IRAG2: variants seen among roughly 807,000 people sequenced by gnomAD.
The protein encoded by IRAG2 is lymphoid restricted membrane protein.
In IRAG2, 45 loss-of-function variants were observed where a neutral mutation model predicts 69.9. The observed-to-expected ratio is 0.64, with a 90% CI of 0.51 to 0.83. IRAG2 has a LOEUF of 0.83. IRAG2 is among the 40% of genes least tolerant of loss of function. The pLI is 0.00. For missense variants in IRAG2, 520 were observed against 587.0 expected, an observed-to-expected ratio of 0.89 and a Z score of 1.18; for synonymous variants, 193 against 202.4, an observed-to-expected ratio of 0.95 and a Z score of 0.40.
At chr12:25,069,247 T>G in intron 5 of IRAG2, 103 bp from the exon 6 acceptor site, 1 of 529,440 alleles carries the variant, frequency 1.9e-6, no homozygotes, top group Non-Finnish European at 3.4e-6. Flanking sequence ...TTTGATAAAA[T>G]TAGGACTGGG....
At chr12:25,072,378 A>G (rs977457230) in intron 6 of IRAG2, among the ~76,000 whole-genome samples, 1 of 152,028 alleles carries the variant, frequency 6.6e-6, no homozygotes, top group Non-Finnish European at 1.5e-5. Context: ...TGATCCCACC[A>G]ATTCTCAACC....
At chr12:25,016,147 TATC>T (rs1324472502) in intron 5 of IRAG2, among the ~76,000 whole-genome samples, 3 of 150,518 alleles carry the variant, frequency 2.0e-5, no homozygotes, top group Admixed American at 6.6e-5. Context: ...AGTGAGCTGA[TATC>T]GTGCCATTGT....
intron 9 of IRAG2, among the ~76,000 whole-genome samples, chr12:25,028,603 T>C (rs1944643968): frequency 6.6e-6 from 1 of 152,320 alleles, no homozygotes; most frequent in South Asian, 2.1e-4. Context: ...AAAAAGTCTA[T>C]ATTTCATACA....
intron 6 of IRAG2, among the ~76,000 whole-genome samples, chr12:25,073,207 C>A (rs1284755368): frequency 1.3e-5 from 2 of 152,294 alleles, no homozygotes; most frequent in South Asian, 4.1e-4. Context: ...TTCTTGTCAT[C>A]TGTATGCTGG....
At chr12:25,087,931 G>A (rs986690078) in intron 10 of IRAG2, among the ~76,000 whole-genome samples, 169 bp from the exon 11 acceptor site, 2 of 152,122 alleles carry the variant, frequency 1.3e-5, no homozygotes, top group East Asian at 3.9e-4. Context: ...CCTCACCCCC[G>A]TGGAAAAACT....
rs1397421413 is a variant in IRAG2, at chr12:25,077,968, A to C, written c.25-1276A>C. Among the ~76,000 whole-genome samples, 3 of 152,164 alleles carry C rather than the reference A, an allele frequency of 2.0e-5. No homozygotes were observed. The East Asian group carries it at 5.8e-4, about 29-fold the overall frequency. On this transcript the variant is annotated intron_variant, in intron 6 of 21. Coordinates refer to ENST00000556887, the MANE Select transcript of IRAG2 (RefSeq NM_001366544.2). The stretch of plus-strand genomic sequence containing the variant: ...AATCATCAACCAGTCTAAGACAATA[A>C]TTGGGAAGTCTTTTCCTCTCCAATA...
intron 6 of IRAG2, among the ~76,000 whole-genome samples, chr12:25,073,277 G>A (rs1269610283): frequency 6.6e-6 from 1 of 152,160 alleles, no homozygotes; most frequent in Non-Finnish European, 1.5e-5. Context: ...TAAAATTGCT[G>A]GACAGTACCT....
exon 5 of IRAG2, chr12:25,015,415 T>A: frequency 8.1e-7 from 1 of 1,231,844 alleles, no homozygotes. Flanking sequence ...AGGAGAAACA[T>A]CTAAAGGAGT....
chr12:25,063,881 T>C, intron 4 of IRAG2, 65 bp downstream of exon 4: 1 of 398,788 alleles, frequency 2.5e-6, no homozygotes, highest in South Asian at 1.3e-4. Flanking sequence ...AAAGGGAAAA[T>C]AACTAGTTAT....
chr12:25,096,785 T>G (rs1004299431), intron 14 of IRAG2, 125 bp from the exon 15 acceptor site: 42 of 713,364 alleles, frequency 5.9e-5, no homozygotes, highest in African/African-American at 1.3e-4. Flanking sequence ...CTTTGCTGCT[T>G]CTTTTCATCT....
At chr12:25,086,723 TATAG>T (rs1242156304) in intron 10 of IRAG2, among the ~76,000 whole-genome samples, 1 of 152,160 alleles carries the variant, frequency 6.6e-6, no homozygotes, top group East Asian at 1.9e-4. Flanking sequence ...GGAAAGGATG[TATAG>T]ATAATTTTAG....
At chr12:25,021,431 T>G (rs1210627985) in intron 7 of IRAG2, among the ~76,000 whole-genome samples, 2 of 152,022 alleles carry the variant, frequency 1.3e-5, no homozygotes, top group Non-Finnish European at 2.9e-5. Context: ...TCTGTGAAAC[T>G]TTCACCTTTT....
rs369311178 is a variant in IRAG2 at position 25,103,830 on chromosome 12, C to T, written c.934-7C>T. 6.2e-7 allele frequency: 1 copy of T among 1,604,208 alleles called. No individual in the cohort carries two copies. The highest frequency in any genetic ancestry group is 8.5e-7 in the Non-Finnish European group (1 of 1,172,028). ...TTTCTAAATGTACATTTTCCTCCTTCTGGTAGCCATCTTCTCTACGAAGAG... is the reference window on the plus strand; with the variant it reads ...TTTCTAAATGTACATTTTCCTCCTTTTGGTAGCCATCTTCTCTACGAAGAG... On this transcript the variant is annotated splice_polypyrimidine_tract_variant and splice_region_variant and intron_variant, in intron 17 of 21. Transcript: ENST00000556887.
chr12:25,091,604 C>T (rs1180145876), intron 14 of IRAG2, among the ~76,000 whole-genome samples: 1 of 152,072 alleles, frequency 6.6e-6, no homozygotes, highest in East Asian at 1.9e-4. Context: ...GCTTACAGTT[C>T]TTTTGATTAT....
intron 10 of IRAG2, 137 bp downstream of exon 10, chr12:25,083,630 A>G: frequency 1.8e-6 from 1 of 570,612 alleles, no homozygotes; most frequent in Non-Finnish European, 3.0e-6. Flanking sequence ...TTTAATTAAT[A>G]TTTTATAGGC....
At chr12:25,095,376 GCTT>G (rs748021073) in intron 14 of IRAG2, among the ~76,000 whole-genome samples, 2 of 151,932 alleles carry the variant, frequency 1.3e-5, no homozygotes, top group African/African-American at 2.4e-5. Context: ...CTTATCACAT[GCTT>G]CTTCTGCATC....
upstream of IRAG2, among the ~76,000 whole-genome samples, chr12:25,003,971 T>C (rs555729093): frequency 1.3e-5 from 2 of 152,340 alleles, no homozygotes; most frequent in South Asian, 4.1e-4. Flanking sequence ...ATCTGAGCTG[T>C]GGCATTTATT....
chr12:25,083,522 G>A (rs1254372998), intron 10 of IRAG2, 29 bp downstream of exon 10: 3 of 1,378,482 alleles, frequency 2.2e-6, no homozygotes, highest in Non-Finnish European at 3.1e-6. Context: ...TCACAACAAA[G>A]GTGGTGGTAT....
At position 25,077,266 on chromosome 12, in the gene IRAG2, A is replaced by AATATATATGAT. The variant is rs1565562770; in HGVS notation, c.25-1968_25-1967insTATATATATGA. ...AAATATATATATGATATATATATGA[A>AATATATATGAT]ATATATATGAAATATATATGATATA... On this transcript the variant is annotated intron_variant, in intron 6 of 21. Coordinates refer to ENST00000556887, the MANE Select transcript of IRAG2 (RefSeq NM_001366544.2). Among the ~76,000 whole-genome samples, 7 of 32,854 alleles carry AATATATATGAT rather than the reference A, an allele frequency of 2.1e-4. 2 individuals are homozygous for AATATATATGAT. In the South Asian group the frequency reaches 3.2e-3, roughly 15 times the overall value. 21.6% of individuals were successfully genotyped at this position (32,854 alleles called of 152,430 possible). A position where few individuals can be genotyped will look rare whatever the true frequency, so the allele number is the denominator to read the frequency against.
Sources: gnomAD v4.1 joint callset for allele counts (sites outside exome capture counted in the v4.1 genomes callset) on GRCh38, gnomAD v4.1.1 for gene constraint, MANE v1.5 for transcripts, NCBI Gene and HGNC (gene_info 2026-07-23, HGNC 2026-07-21) for gene names.